The following BCAS1 variants were observed in gnomAD, a reference collection of about 807,000 sequenced individuals.
BCAS1 encodes the protein breast carcinoma-amplified sequence 1.
BCAS1 carries 46 observed loss-of-function variants against 65.4 expected under a neutral mutation model. That is an observed-to-expected ratio of 0.70 (90% CI 0.55 to 0.90). The LOEUF is 0.90. BCAS1 is among the 40% of genes least tolerant of loss of function. BCAS1 has a pLI of 0.00. For synonymous variants in BCAS1, 298 were observed against 293.5 expected (o/e 1.02, Z -0.16); for missense variants, 793 against 771.2 (o/e 1.03, Z -0.33).
intron 3 of BCAS1, among the ~76,000 whole-genome samples, chr20:54,052,044 T>C (rs1212189969): frequency 4.9e-4 from 75 of 152,326 alleles, no homozygotes; most frequent in Non-Finnish European, 4.4e-5. Flanking sequence ...CAGCCAACTA[T>C]GCTGATTTTT....
chr20:54,028,314 A>G, intron 4 of BCAS1, 78 bp downstream of exon 4: 2 of 1,477,868 alleles, frequency 1.4e-6, no homozygotes, highest in Non-Finnish European at 1.9e-6. Flanking sequence ...GGGTGACTGC[A>G]TATGTGCAGT....
chr20:54,070,003 T>A (rs1166034452), intron 1 of BCAS1, among the ~76,000 whole-genome samples: 4 of 152,190 alleles, frequency 2.6e-5, no homozygotes, highest in Non-Finnish European at 5.9e-5. Flanking sequence ...CTTTTTCTTG[T>A]CCTCCCACTT....
rs1039666375 is a variant in BCAS1 at position 53,996,410 on chromosome 20, T to C, written c.724-360A>G. ...CTCCTTATCTATGATGTGTACATTATCCCCAGAGATGGCGTTTCCCACAAT... is the reference window on the plus strand; with the variant it reads ...CTCCTTATCTATGATGTGTACATTACCCCCAGAGATGGCGTTTCCCACAAT... On this transcript the variant is annotated intron_variant, in intron 4 of 12. Coordinates refer to ENST00000688948, the MANE Select transcript of BCAS1 (RefSeq NM_001366298.2). 7.8e-5 allele frequency among the ~76,000 whole-genome samples: 11 copies of C among 140,852 alleles called. 1 individual carries two copies. The highest frequency in any genetic ancestry group is 2.1e-4 in the East Asian group (1 of 4,776). 92.4% of individuals were successfully genotyped at this position (140,852 alleles called of 152,430 possible). A position where few individuals can be genotyped will look rare whatever the true frequency, so the allele number is the denominator to read the frequency against.
intron 4 of BCAS1, among the ~76,000 whole-genome samples, chr20:54,021,366 G>C (rs1288838901): frequency 7.0e-6 from 1 of 142,036 alleles, no homozygotes; most frequent in Non-Finnish European, 1.6e-5. Context: ...CACTGTCCTG[G>C]AGTCTATTAA....
rs2092503296 is a variant in BCAS1 at position 54,070,544 on chromosome 20, G to C, written c.-117C>G. ...TGCCCAGTGCCTGGCTGTCGGTGGA[G>C]CCTGGCTCCCTGCACTTTGCTTCCT... On this transcript the variant is annotated 5_prime_UTR_variant, in exon 1 of 13. Transcript: ENST00000688948. 6.6e-6 allele frequency: 1 copy of C among 152,592 alleles called. No individual in the cohort carries two copies. Among genetic ancestry groups the C allele is most frequent in the African/African-American group, 2.4e-5 (1 of 41,446 alleles). The allele number at this position is 152,592 out of a possible 1,614,324, so 9.5% of individuals were successfully genotyped here. A position where few individuals can be genotyped will look rare whatever the true frequency, so the allele number is the denominator to read the frequency against.
At chr20:53,986,889 C>CA (rs369896707) in intron 7 of BCAS1, among the ~76,000 whole-genome samples, 7 of 151,652 alleles carry the variant, frequency 4.6e-5, no homozygotes, top group South Asian at 4.2e-4. Context: ...GACACCATCT[C>CA]AAAAAAAATA....
chr20:53,964,809 TTTTCATGC>T (rs1265549932), intron 10 of BCAS1, among the ~76,000 whole-genome samples: 1 of 152,024 alleles, frequency 6.6e-6, no homozygotes, highest in African/African-American at 2.4e-5. Flanking sequence ...GTTTTTTTTT[TTTTCATGC>T]TTTCTTTGGA....
intron 3 of BCAS1, among the ~76,000 whole-genome samples, chr20:54,050,076 C>T (rs1043501919): frequency 3.3e-5 from 5 of 152,164 alleles, no homozygotes; most frequent in African/African-American, 1.2e-4. Flanking sequence ...CCAGAGGTCA[C>T]CTACATTCCT....
In BCAS1 at chr20:53,992,497, T is replaced by C. The variant is rs780472689; in HGVS notation, c.1062+15A>G. On this transcript the variant is annotated intron_variant, in intron 7 of 12. Coordinates refer to ENST00000688948, the MANE Select transcript of BCAS1 (RefSeq NM_001366298.2). ...AGAGTTCTTGTTTTTCCTCCTACTT[T>C]AATAAGATACAGACCTTATGCCTAA... 2.2e-6 allele frequency: 3 copies of C among 1,364,830 alleles called. No homozygotes were observed. In the Admixed American group the frequency reaches 5.7e-5, roughly 26 times the overall value. 84.5% of individuals were successfully genotyped at this position (1,364,830 alleles called of 1,614,324 possible). A position where few individuals can be genotyped will look rare whatever the true frequency, so the allele number is the denominator to read the frequency against.
At chr20:53,983,558 C>T (rs935204411) in intron 8 of BCAS1, among the ~76,000 whole-genome samples, 2 of 152,216 alleles carry the variant, frequency 1.3e-5, no homozygotes, top group Non-Finnish European at 2.9e-5. Flanking sequence ...CATATTGTAT[C>T]ATCTGTAGCA....
intron 9 of BCAS1, among the ~76,000 whole-genome samples, chr20:53,968,328 C>T (rs971615867): frequency 6.6e-6 from 1 of 152,170 alleles, no homozygotes; most frequent in African/African-American, 2.4e-5. Flanking sequence ...AGGCATCTTC[C>T]CACTTGTCTT....
At position 53,944,323 on chromosome 20, in the gene BCAS1, T is replaced by C. The variant is rs987427440; in HGVS notation, c.*599A>G. ...AACTTACTTGCCACTGCCTTTTTTT[T>C]TTTTTGATAGAATCTTGCTCTGTCG... On this transcript the variant is annotated 3_prime_UTR_variant, in exon 13 of 13. Transcript: ENST00000688948. 6.6e-6 allele frequency: 1 copy of C among 152,284 alleles called. No individual in the cohort carries two copies. The highest frequency in any genetic ancestry group is 2.4e-5 in the African/African-American group (1 of 41,418). 9.4% of individuals were successfully genotyped at this position (152,284 alleles called of 1,614,324 possible).
At chr20:53,964,541 T>C (rs1386562156) in intron 10 of BCAS1, among the ~76,000 whole-genome samples, 1 of 152,216 alleles carries the variant, frequency 6.6e-6, no homozygotes, top group East Asian at 1.9e-4. Context: ...GGAATCCAAT[T>C]CTAAGAATCC....
At chr20:54,022,290 T>C (rs2091578521) in intron 4 of BCAS1, among the ~76,000 whole-genome samples, 1 of 151,626 alleles carries the variant, frequency 6.6e-6, no homozygotes, top group Non-Finnish European at 1.5e-5. Flanking sequence ...GATTGTTGTG[T>C]GTGTGTGTGT....
chr20:54,043,498 C>A (rs543302804), intron 3 of BCAS1, among the ~76,000 whole-genome samples: 1 of 152,224 alleles, frequency 6.6e-6, no homozygotes, highest in East Asian at 1.9e-4. Context: ...TAAAATCAGG[C>A]TGTTATTGAA....
chr20:54,046,281 G>A (rs2092103154), intron 3 of BCAS1, among the ~76,000 whole-genome samples: 1 of 152,118 alleles, frequency 6.6e-6, no homozygotes, highest in Admixed American at 6.5e-5. Context: ...TGTAATCCCA[G>A]CACTTTGGGA....
intron 7 of BCAS1, among the ~76,000 whole-genome samples, chr20:53,991,138 C>G (rs1368507285): frequency 6.6e-6 from 1 of 152,204 alleles, no homozygotes; most frequent in Non-Finnish European, 1.5e-5. Context: ...ACTTTCAAGG[C>G]CCCTTACTTA....
intron 3 of BCAS1, among the ~76,000 whole-genome samples, chr20:54,047,165 CT>C (rs1257174871): frequency 6.6e-6 from 1 of 152,208 alleles, no homozygotes; most frequent in African/African-American, 2.4e-5. Context: ...CTAGCTTGGG[CT>C]CTCTCACAGC....
chr20:54,010,233 T>C (rs1294847067), intron 4 of BCAS1, among the ~76,000 whole-genome samples: 2 of 152,134 alleles, frequency 1.3e-5, no homozygotes, highest in African/African-American at 4.8e-5. Flanking sequence ...CTAGGAAGTA[T>C]ATTAAGGCAA....
Sources: allele counts gnomAD v4.1 joint callset (sites outside exome capture counted in the v4.1 genomes callset), GRCh38; gene constraint gnomAD v4.1.1; transcripts MANE v1.5; gene names NCBI Gene and HGNC (gene_info 2026-07-23, HGNC 2026-07-21).